Variants in NRG1 observed in about 807,000 individuals in gnomAD.
The protein encoded by NRG1 is pro-neuregulin-1, membrane-bound isoform.
A neutral mutation model predicts 63.8 loss-of-function variants in NRG1; 18 were observed. The observed-to-expected ratio is 0.28, with a 90% CI of 0.19 to 0.42. The LOEUF (loss-of-function observed/expected upper bound fraction) is 0.42, where lower values mean the gene tolerates loss of function less well. Among genes scored for constraint, NRG1 ranks in the 10% least tolerant of loss-of-function variants. The pLI is 1.00. For missense variants in NRG1, 762 were observed against 814.7 expected (o/e 0.94, Z 0.79); for synonymous variants, 302 against 301.3 (o/e 1.00, Z -0.02).
chr8:32,100,339 G>A (rs753678849), intron 1 of NRG1, among the ~76,000 whole-genome samples: 6 of 152,100 alleles, frequency 3.9e-5, no homozygotes, highest in Admixed American at 6.5e-5. Flanking sequence ...GCACTTTCAC[G>A]TAATTAACTC....
intron 1 of NRG1, among the ~76,000 whole-genome samples, chr8:31,974,894 A>G (rs327379): frequency 0.021 from 3,267 of 152,262 alleles, 108 homozygotes; most frequent in African/African-American, 0.074. Context: ...ACCCCCTGAG[A>G]CATCCAACTG....
In NRG1 at chr8:32,256,844, C is replaced by T. The variant is rs191986951; in HGVS notation, c.38-338984C>T. On this transcript the variant is annotated intron_variant, in intron 1 of 10. Coordinates refer to the NRG1 transcript ENST00000519301. Reference sequence around the variant, plus strand: ...GGAGTTCTGCTGCTCTCTTCAGAGCCGGCAGGAAGGAATGTTTAAGTCTGC... The same window carrying T: ...GGAGTTCTGCTGCTCTCTTCAGAGCTGGCAGGAAGGAATGTTTAAGTCTGC... 1.2e-4 allele frequency among the ~76,000 whole-genome samples: 19 copies of T among 152,192 alleles called. No individual in the cohort carries two copies. The East Asian group carries it at 2.5e-3, about 20-fold the overall frequency.
chr8:32,595,326 A>C (rs1001478601), intron 1 of NRG1, among the ~76,000 whole-genome samples: 13 of 151,936 alleles, frequency 8.6e-5, no homozygotes, highest in Non-Finnish European at 4.4e-5. Flanking sequence ...GGTAGCCGGG[A>C]CTACAGGCAC....
At chr8:32,498,048 C>G (rs1175805411) in intron 1 of NRG1, among the ~76,000 whole-genome samples, 1 of 152,174 alleles carries the variant, frequency 6.6e-6, no homozygotes, top group Non-Finnish European at 1.5e-5. Flanking sequence ...GTCTCGAACT[C>G]CTGACCTCAG....
At chr8:31,993,060 T>G (rs4590398) in intron 1 of NRG1, among the ~76,000 whole-genome samples, 83,056 of 151,892 alleles carry the variant, frequency 0.55, 27,093 homozygotes, top group Non-Finnish European at 0.73. Flanking sequence ...TCCTCCCTAA[T>G]GGAGTTTTCA....
intron 1 of NRG1, among the ~76,000 whole-genome samples, chr8:31,712,415 C>T (rs1462969225): frequency 2.0e-5 from 3 of 151,644 alleles, no homozygotes; most frequent in Admixed American, 1.3e-4. Flanking sequence ...ACTATAGGCA[C>T]GTGCCACCAC....
chr8:32,636,100 A>G (rs1458343213), intron 5 of NRG1, among the ~76,000 whole-genome samples: 1 of 152,180 alleles, frequency 6.6e-6, no homozygotes, highest in Non-Finnish European at 1.5e-5. Flanking sequence ...TTAAGGTGGT[A>G]AAATTTTTGA....
chr8:32,360,542 G>T (rs1204797754), intron 1 of NRG1, among the ~76,000 whole-genome samples: 2 of 152,168 alleles, frequency 1.3e-5, no homozygotes. Context: ...TATGATGCTT[G>T]TGGCTTTGAC....
intron 1 of NRG1, among the ~76,000 whole-genome samples, chr8:31,883,623 C>T (rs999521335): frequency 1.3e-5 from 2 of 151,992 alleles, no homozygotes; most frequent in African/African-American, 2.4e-5. Context: ...CAATAATTTA[C>T]GCTTTTGTTT....
chr8:32,425,347 T>A (rs985750370), intron 1 of NRG1, among the ~76,000 whole-genome samples: 1 of 152,166 alleles, frequency 6.6e-6, no homozygotes, highest in African/African-American at 2.4e-5. Flanking sequence ...CCATATTGAT[T>A]TTTTACATCC....
Position 31,640,251 on chromosome 8 carries a change from G to T in NRG1, c.37+820G>T. The T allele has an allele frequency of 8.7e-7, 1 of 1,144,658 alleles. No homozygotes were observed. Among genetic ancestry groups the T allele is most frequent in the Non-Finnish European group, 1.1e-6 (1 of 932,136 alleles). 70.9% of individuals were successfully genotyped at this position (1,144,658 alleles called of 1,614,324 possible). A position where few individuals can be genotyped will look rare whatever the true frequency, so the allele number is the denominator to read the frequency against. On this transcript the variant is annotated intron_variant, in intron 1 of 10. Coordinates refer to the NRG1 transcript ENST00000519301. The surrounding 1 kb of genome is among the most constrained non-coding windows in gnomAD (Gnocchi z 6.3). ...TGGTGATCGAGGGAAAGGTGCACCC[G>T]CAGCGGCGGCAGCAGGGGGCACTCG... is the stretch of plus-strand genomic sequence containing the variant.
In NRG1 at chr8:32,038,289, C is replaced by T. The variant is rs567095375; in HGVS notation, c.37+398858C>T. ...GCCCTCGCTCCACCCTGCTTTTCCT[C>T]ACTGTCTGTGGGTTGCGCCAACCAT... On this transcript the variant is annotated intron_variant, in intron 1 of 10. Coordinates refer to the NRG1 transcript ENST00000519301. 3.9e-5 allele frequency among the ~76,000 whole-genome samples: 6 copies of T among 152,292 alleles called. No individual in the cohort carries two copies. In the South Asian group the frequency reaches 1.2e-3, roughly 32 times the overall value.
chr8:32,356,474 A>ACCCCCCCCCCCCCCCCGGC (rs11426642), intron 1 of NRG1, among the ~76,000 whole-genome samples: 2 of 69,322 alleles, frequency 2.9e-5, no homozygotes, highest in African/African-American at 5.9e-5. Flanking sequence ...CCTTGTTGGG[A>ACCCCCCCCCCCCCCCCGGC]CCCCCCCCCC....
chr8:32,559,175 A>G (rs1209958074), intron 1 of NRG1, among the ~76,000 whole-genome samples: 1 of 147,610 alleles, frequency 6.8e-6, no homozygotes, highest in East Asian at 2.0e-4. Context: ...ATTAATTTAC[A>G]GAGAGAAATA....
intron 7 of NRG1, among the ~76,000 whole-genome samples, chr8:32,744,460 T>C (rs186974366): frequency 7.6e-4 from 116 of 152,236 alleles, no homozygotes; most frequent in African/African-American, 2.7e-3. Flanking sequence ...AATAGCTTGA[T>C]TTAATTTTTA....
Position 32,369,798 on chromosome 8 carries a change from G to A in NRG1, c.38-226030G>A, listed in dbSNP as rs142767301. Among the ~76,000 whole-genome samples the A allele has an allele frequency of 3.9e-5, 6 of 152,232 alleles. No homozygotes were observed. The East Asian group carries it at 1.2e-3, about 29-fold the overall frequency. On this transcript the variant is annotated intron_variant, in intron 1 of 10. Coordinates refer to the NRG1 transcript ENST00000519301. ...AAATTTCGGATTTCTACACAGACAT[G>A]GTTTTCTGGCATAAAAAGCTTGCAT... is the stretch of plus-strand genomic sequence containing the variant.
At chr8:32,190,630 A>G (rs1333134669) in intron 1 of NRG1, among the ~76,000 whole-genome samples, 1 of 152,178 alleles carries the variant, frequency 6.6e-6, no homozygotes, top group African/African-American at 2.4e-5. Context: ...AAATGTCTCT[A>G]TGAGTACAGT....
chr8:32,169,978 G>T lies in NRG1; in HGVS notation c.38-425850G>T, dbSNP rs375319581. Among the ~76,000 whole-genome samples, 10 of 152,132 alleles carry T rather than the reference G, an allele frequency of 6.6e-5. No individual in the cohort carries two copies. In the South Asian group the frequency reaches 8.3e-4, roughly 13 times the overall value. ...TTCTTATTGAAAGAGAAAAGACAAC[G>T]TAAAGACATAGACACACAGGAAGAA... is the stretch of plus-strand genomic sequence containing the variant. On this transcript the variant is annotated intron_variant, in intron 1 of 10. Coordinates refer to the NRG1 transcript ENST00000519301.
chr8:32,267,706 T>G (rs1851125831), intron 1 of NRG1, among the ~76,000 whole-genome samples: 1 of 152,182 alleles, frequency 6.6e-6, no homozygotes, highest in African/African-American at 2.4e-5. Context: ...TGTTTTTTAT[T>G]TATTGGTAAT....
Sources: allele counts gnomAD v4.1 joint callset (sites outside exome capture counted in the v4.1 genomes callset), GRCh38; gene constraint gnomAD v4.1.1; non-coding constraint Gnocchi (gnomAD v3.1); transcripts MANE v1.5; gene names NCBI Gene and HGNC (gene_info 2026-07-23, HGNC 2026-07-21).